PIBF1: variants seen among roughly 807,000 people sequenced by gnomAD.
PIBF1 encodes the protein progesterone-induced-blocking factor 1.
PIBF1 carries 90 observed loss-of-function variants against 112.5 expected under a neutral mutation model. The observed-to-expected ratio is 0.80, with a 90% CI of 0.67 to 0.95. The LOEUF is 0.95. Ranked by LOEUF, PIBF1 falls within the 40% of genes least tolerant of loss-of-function variation. The pLI, the probability that PIBF1 is intolerant of heterozygous loss-of-function variation, is 0.00. For synonymous variants in PIBF1, 301 were observed against 288.6 expected (o/e 1.04, Z -0.44); for missense variants, 915 against 852.3 (o/e 1.07, Z -0.92).
intron 11 of PIBF1, among the ~76,000 whole-genome samples, chr13:72,895,901 C>T (rs1040566148): frequency 1.2e-4 from 18 of 152,142 alleles, no homozygotes; most frequent in African/African-American, 4.1e-4. Flanking sequence ...TCACTCTGGG[C>T]CTGGAAACAG....
chr13:72,950,050 C>T (rs1265275481), intron 14 of PIBF1, among the ~76,000 whole-genome samples: 1 of 152,170 alleles, frequency 6.6e-6, no homozygotes, highest in Non-Finnish European at 1.5e-5. Context: ...ACCTCTATAT[C>T]ATTTTGAATT....
At chr13:72,999,930 G>A (rs920578993) in intron 17 of PIBF1, among the ~76,000 whole-genome samples, 3 of 152,186 alleles carry the variant, frequency 2.0e-5, no homozygotes, top group African/African-American at 4.8e-5. Context: ...TTACCCGGGT[G>A]TGGTGGCACA....
At chr13:72,907,987 A>C (rs1384642182) in intron 11 of PIBF1, among the ~76,000 whole-genome samples, 1 of 152,116 alleles carries the variant, frequency 6.6e-6, no homozygotes, top group East Asian at 1.9e-4. Flanking sequence ...TCACAAAGGC[A>C]TTTTCTGATA....
rs148857676 is a variant in PIBF1, at chr13:72,867,432, C to G, written c.1322+13277C>G. On this transcript the variant is annotated intron_variant, in intron 10 of 17. Coordinates refer to ENST00000326291, the MANE Select transcript of PIBF1 (RefSeq NM_006346.4). ...TAAATGAAATTCTTTATTTAAAGTA[C>G]TCAAAAAATATTAACTATTATTATT... Among the ~76,000 whole-genome samples, 48 of 152,202 alleles carry G rather than the reference C, an allele frequency of 3.2e-4. 1 individual carries two copies. The East Asian group carries it at 8.7e-3, about 28-fold the overall frequency.
At chr13:72,795,312 T>C (rs756074597) in intron 3 of PIBF1, 47 bp from the exon 4 acceptor site, 8 of 1,168,764 alleles carry the variant, frequency 6.8e-6, no homozygotes, top group Non-Finnish European at 8.7e-6. Context: ...GAAAATTAGA[T>C]CTCAAATACT....
At chr13:72,863,652 C>T (rs539186811) in intron 10 of PIBF1, among the ~76,000 whole-genome samples, 34 of 135,936 alleles carry the variant, frequency 2.5e-4, no homozygotes, top group African/African-American at 8.6e-4. Context: ...AGTGAGACTC[C>T]GTCTCAAAAA....
At chr13:72,800,131 G>A (rs572561280) in intron 5 of PIBF1, among the ~76,000 whole-genome samples, 152 of 152,318 alleles carry the variant, frequency 1.0e-3, no homozygotes, top group Admixed American at 2.5e-3. Flanking sequence ...CACCTCCTGC[G>A]TTCAAGTGAT....
chr13:72,958,596 G>T (rs55775077), intron 14 of PIBF1, among the ~76,000 whole-genome samples: 1 of 151,950 alleles, frequency 6.6e-6, no homozygotes, highest in Non-Finnish European at 1.5e-5. Context: ...CCCACTGTCC[G>T]TTCCACCACA....
At chr13:72,942,330 G>A (rs2042036506) in intron 14 of PIBF1, among the ~76,000 whole-genome samples, 1 of 149,658 alleles carries the variant, frequency 6.7e-6, no homozygotes, top group South Asian at 2.1e-4. Flanking sequence ...GGATGCTGCT[G>A]ATTAAACTGT....
chr13:72,785,433 C>G (rs2034548245), intron 2 of PIBF1, among the ~76,000 whole-genome samples: 1 of 152,148 alleles, frequency 6.6e-6, no homozygotes, highest in South Asian at 2.1e-4. Flanking sequence ...TGACTGAACC[C>G]CATTTTGCTC....
intron 16 of PIBF1, among the ~76,000 whole-genome samples, chr13:72,983,409 A>C (rs1227154782): frequency 6.6e-6 from 1 of 152,200 alleles, no homozygotes; most frequent in Admixed American, 6.5e-5. Context: ...GTTAGTATTT[A>C]ACCAGAATTA....
At chr13:72,797,607 C>G (rs186110461) in intron 4 of PIBF1, among the ~76,000 whole-genome samples, 1 of 152,140 alleles carries the variant, frequency 6.6e-6, no homozygotes, top group African/African-American at 2.4e-5. Flanking sequence ...GTGATATGTT[C>G]CAGAAGTTTA....
rs1057209520 is a variant in PIBF1, at chr13:72,827,078, A to G, written c.875A>G (p.His292Arg). The G allele has an allele frequency of 6.2e-7, 1 of 1,604,372 alleles. No individual in the cohort carries two copies. Among genetic ancestry groups the G allele is most frequent in the Admixed American group, 1.7e-5 (1 of 58,698 alleles). ...RRKHEILEAS[H>R]MIQTKERSEL... ...AAACATGAAATACTTGAAGCCTCTC[A>G]CATGATTCAAACAAAAGAACGAAGT... Residue 292 changes from histidine to arginine, a missense_variant, in exon 7 of 18, where the codon CAC becomes CGC. Transcript: ENST00000326291.
At chr13:73,004,350 G>T (rs2043963694) in intron 17 of PIBF1, among the ~76,000 whole-genome samples, 1 of 151,950 alleles carries the variant, frequency 6.6e-6, no homozygotes, top group Admixed American at 6.6e-5. Context: ...AATTAGCCAG[G>T]TGTGGTGGCA....
At chr13:72,850,728 G>A (rs949036097) in intron 9 of PIBF1, among the ~76,000 whole-genome samples, 1 of 151,722 alleles carries the variant, frequency 6.6e-6, no homozygotes, top group Admixed American at 6.6e-5. Flanking sequence ...ACATCATTTC[G>A]AAATGAAAAA....
At chr13:72,927,538 C>A (rs2041527155) in intron 13 of PIBF1, among the ~76,000 whole-genome samples, 1 of 151,898 alleles carries the variant, frequency 6.6e-6, no homozygotes, top group South Asian at 2.1e-4. Flanking sequence ...AGATGTGTGC[C>A]ACCACACCCA....
At chr13:72,805,935 C>G (rs967782932) in intron 5 of PIBF1, among the ~76,000 whole-genome samples, 2 of 152,114 alleles carry the variant, frequency 1.3e-5, no homozygotes, top group Admixed American at 1.3e-4. Context: ...CAGAGTGGTA[C>G]AAATGGACAA....
chr13:72,899,707 C>T (rs974904020), intron 11 of PIBF1, among the ~76,000 whole-genome samples: 2 of 152,090 alleles, frequency 1.3e-5, no homozygotes, highest in Admixed American at 6.6e-5. Flanking sequence ...GGCAAGGATG[C>T]CCATTCTCAC....
chr13:72,864,156 A>G (rs899130767), intron 10 of PIBF1, among the ~76,000 whole-genome samples: 2 of 152,202 alleles, frequency 1.3e-5, no homozygotes, highest in Non-Finnish European at 2.9e-5. Flanking sequence ...TTAAAGTTAC[A>G]ATTACGGATA....
Sources: gnomAD v4.1 joint callset for allele counts (sites outside exome capture counted in the v4.1 genomes callset) on GRCh38, gnomAD v4.1.1 for gene constraint, MANE v1.5 for transcripts, NCBI Gene and HGNC (gene_info 2026-07-23, HGNC 2026-07-21) for gene names.